Variants in ZCCHC4 observed in about 807,000 individuals in gnomAD.
The protein encoded by ZCCHC4 is zinc finger CCHC-type containing 4, also known as rRNA N(6)-adenosine-methyltransferase ZCCHC4.
ZCCHC4 carries 54 observed loss-of-function variants against 67.7 expected under a neutral mutation model. The ratio of observed to expected loss-of-function variants is 0.80; its 90% CI spans 0.64 to 1.00. The LOEUF (loss-of-function observed/expected upper bound fraction) is 1.00. Among genes scored for constraint, ZCCHC4 ranks in the 50% least tolerant of loss-of-function variants. The pLI is 0.00. For missense variants in ZCCHC4, 609 were observed against 617.0 expected, an observed-to-expected ratio of 0.99 and a Z score of 0.14; for synonymous variants, 198 against 213.5, an observed-to-expected ratio of 0.93 and a Z score of 0.63.
rs1720650207 is a variant in ZCCHC4 at position 25,359,766 on chromosome 4, G to A, written c.1012-2093G>A. ...AAGCAGGAGAAGAATGTTTCTGCGC[G>A]ACCTGGTCCCACCCTGGCACTCCAG... On this transcript the variant is annotated intron_variant, in intron 8 of 12. Coordinates refer to ENST00000302874, the MANE Select transcript of ZCCHC4 (RefSeq NM_024936.3). The surrounding 1 kb of genome is among the most constrained non-coding windows in gnomAD (Gnocchi z 4.9). Among the ~76,000 whole-genome samples, 1 of 152,202 alleles carries A rather than the reference G, an allele frequency of 6.6e-6. No homozygotes were observed. The highest frequency in any genetic ancestry group is 6.5e-5 in the Admixed American group (1 of 15,278).
At chr4:25,361,570 TGGCCTGCACCCATGTG>T (rs869125227) in intron 8 of ZCCHC4, 13 of 331,006 alleles carry the variant, frequency 3.9e-5, no homozygotes, top group African/African-American at 1.1e-4. Context: ...GCTGTACATA[TGGCCTGCACCCATGTG>T]GGCTTGCACC....
At chr4:25,325,678 C>T (rs1168402944) in intron 3 of ZCCHC4, among the ~76,000 whole-genome samples, 2 of 152,090 alleles carry the variant, frequency 1.3e-5, no homozygotes, top group African/African-American at 2.4e-5. Flanking sequence ...TAAGTCATGA[C>T]GAAGTTCATT....
intron 5 of ZCCHC4, among the ~76,000 whole-genome samples, chr4:25,336,234 A>C (rs1560405817): frequency 6.6e-6 from 1 of 152,176 alleles, no homozygotes; most frequent in African/African-American, 2.4e-5. Flanking sequence ...TAGAATAATA[A>C]AATCTATGAC....
At position 25,333,403 on chromosome 4, in the gene ZCCHC4, G is replaced by A; in HGVS notation, c.550G>A (p.Val184Ile). ...TGCTGATCGGAGCTGTCAGTTCTTG[G>A]TAGACTTACTTTCTGCCCTCGGATT... ...LFADRSCQFLVDLLSALGFRR... is the reference protein window; with the variant it reads ...LFADRSCQFLIDLLSALGFRR... Residue 184 changes from valine to isoleucine, a missense_variant, in exon 4 of 13, where the codon GTA (valine) becomes ATA (isoleucine). Coordinates refer to ENST00000302874, the MANE Select transcript of ZCCHC4 (RefSeq NM_024936.3). 2.5e-6 allele frequency: 4 copies of A among 1,614,152 alleles called. No individual in the cohort carries two copies. Among genetic ancestry groups the A allele is most frequent in the Non-Finnish European group, 3.4e-6 (4 of 1,180,020 alleles).
chr4:25,333,544 G>A, intron 4 of ZCCHC4, 86 bp downstream of exon 4: 1 of 1,378,276 alleles, frequency 7.3e-7, no homozygotes, highest in Non-Finnish European at 1.0e-6. Flanking sequence ...CTTACTCTGT[G>A]CAAGGTATAG....
At chr4:25,356,744 A>T (rs1037702289) in intron 8 of ZCCHC4, among the ~76,000 whole-genome samples, 2 of 152,132 alleles carry the variant, frequency 1.3e-5, no homozygotes, top group Admixed American at 6.6e-5. Flanking sequence ...AAGGTACCGT[A>T]TATTTATTGA....
intron 3 of ZCCHC4, among the ~76,000 whole-genome samples, chr4:25,323,821 G>A (rs183447526): frequency 9.9e-5 from 15 of 151,984 alleles, no homozygotes; most frequent in African/African-American, 3.4e-4. Context: ...ACATCTGCCC[G>A]TGAAATCATC....
intron 3 of ZCCHC4, among the ~76,000 whole-genome samples, chr4:25,318,403 C>T (rs998464666): frequency 4.3e-5 from 5 of 115,486 alleles, no homozygotes; most frequent in African/African-American, 1.7e-4. Flanking sequence ...GTCGCCCAGG[C>T]TAGAGGGCAG....
At chr4:25,328,468 G>T (rs1719007262) in intron 3 of ZCCHC4, among the ~76,000 whole-genome samples, 1 of 152,154 alleles carries the variant, frequency 6.6e-6, no homozygotes, top group African/African-American at 2.4e-5. Flanking sequence ...TCGAACTCCT[G>T]ACCTCAAGTG....
intron 3 of ZCCHC4, among the ~76,000 whole-genome samples, chr4:25,319,005 A>G (rs1258879840): frequency 6.6e-6 from 1 of 152,218 alleles, no homozygotes; most frequent in African/African-American, 2.4e-5. Context: ...AGCATTTAAA[A>G]TGCTAGTAAT....
At chr4:25,361,287 T>C (rs565176424) in intron 8 of ZCCHC4, among the ~76,000 whole-genome samples, 17 of 152,220 alleles carry the variant, frequency 1.1e-4, no homozygotes, top group African/African-American at 4.1e-4. Context: ...TTGTGTGTTA[T>C]GAATTCAGGG....
intron 3 of ZCCHC4, among the ~76,000 whole-genome samples, chr4:25,324,896 G>A (rs559819588): frequency 1.1e-3 from 167 of 152,218 alleles, no homozygotes; most frequent in African/African-American, 3.9e-3. Flanking sequence ...TCTTTTTATT[G>A]TTGAGTTATT....
chr4:25,355,308 C>G (rs971370165), intron 8 of ZCCHC4, among the ~76,000 whole-genome samples: 1 of 152,176 alleles, frequency 6.6e-6, no homozygotes, highest in African/African-American at 2.4e-5. Flanking sequence ...ATGATTGAAT[C>G]AGAAAAGAGA....
intron 8 of ZCCHC4, 67 bp from the exon 9 acceptor site, chr4:25,361,792 G>T (rs1720748694): frequency 6.1e-6 from 9 of 1,467,342 alleles, no homozygotes; most frequent in African/African-American, 1.4e-5. Context: ...TCGTTTATTG[G>T]TTAAAGAATC....
intron 6 of ZCCHC4, among the ~76,000 whole-genome samples, 170 bp from the exon 7 acceptor site, chr4:25,349,322 T>C (rs553121483): frequency 1.3e-5 from 2 of 152,330 alleles, no homozygotes; most frequent in African/African-American, 4.8e-5. Flanking sequence ...TAAAATCTCA[T>C]AGGAGCAAAG....
chr4:25,345,878 C>G (rs958715086), intron 6 of ZCCHC4, among the ~76,000 whole-genome samples: 1 of 152,088 alleles, frequency 6.6e-6, no homozygotes, highest in Admixed American at 6.6e-5. Flanking sequence ...GTGATCTGAC[C>G]CCGATTTCCA....
Position 25,339,050 on chromosome 4 carries a change from G to T in ZCCHC4, c.686+5062G>T, listed in dbSNP as rs77484434. 6.8e-3 allele frequency among the ~76,000 whole-genome samples: 1,033 copies of T among 152,302 alleles called. 10 individuals are homozygous for T. The highest frequency in any genetic ancestry group is 0.023 in the African/African-American group (970 of 41,560). ...TTGGTTTCTCCTGAGGCCTCTCTCT[G>T]TGGCATGCAGATGGTCACTGTCTCC... On this transcript the variant is annotated intron_variant, in intron 5 of 12. Coordinates refer to ENST00000302874, the MANE Select transcript of ZCCHC4 (RefSeq NM_024936.3).
intron 3 of ZCCHC4, among the ~76,000 whole-genome samples, chr4:25,316,846 G>A (rs145466096): frequency 2.6e-4 from 40 of 152,120 alleles, no homozygotes; most frequent in Non-Finnish European, 4.6e-4. Context: ...TTTTGTTGTT[G>A]CTTGTGCTTT....
At chr4:25,351,842 A>G (rs2109083832) in intron 8 of ZCCHC4, among the ~76,000 whole-genome samples, 153 bp downstream of exon 8, 1 of 152,330 alleles carries the variant, frequency 6.6e-6, no homozygotes, top group East Asian at 1.9e-4. Context: ...TTTTCTAAAT[A>G]TCAGTAATCC....
Sources: allele counts gnomAD v4.1 joint callset (sites outside exome capture counted in the v4.1 genomes callset), GRCh38; gene constraint gnomAD v4.1.1; non-coding constraint Gnocchi (gnomAD v3.1); transcripts MANE v1.5; gene names NCBI Gene and HGNC (gene_info 2026-07-23, HGNC 2026-07-21).